Variants in ZNF679 observed in about 807,000 individuals in gnomAD.
ZNF679 encodes zinc finger protein 679.
In ZNF679, 10 loss-of-function variants were observed where a neutral mutation model predicts 13.4. The ratio of observed to expected loss-of-function variants is 0.75; its 90% CI spans 0.46 to 1.27. The LOEUF is 1.27. Among genes scored for constraint, ZNF679 ranks in the 50% most tolerant of loss-of-function variants. The pLI, the probability that ZNF679 is intolerant of heterozygous loss-of-function variation, is 0.00. For missense variants in ZNF679, 525 were observed against 477.8 expected (o/e 1.10, Z -0.92); for synonymous variants, 179 against 162.5 (o/e 1.10, Z -0.77).
chr7:64,237,005 GAAAGAAAGAAAGA>G (rs1787736154), intron 1 of ZNF679, among the ~76,000 whole-genome samples: 1 of 111,136 alleles, frequency 9.0e-6, no homozygotes, highest in East Asian at 3.2e-4. Context: ...GAAAGAAAAA[GAAAGAAAGAAAGA>G]AAGAAACCTA....
At chr7:64,250,266 T>G (rs1053982419) in intron 2 of ZNF679, among the ~76,000 whole-genome samples, 1 of 8,214 alleles carries the variant, frequency 1.2e-4, no homozygotes, top group African/African-American at 2.1e-4. Context: ...TTTCCCTTGG[T>G]TTTTTTTTTT....
chr7:64,262,776 T>C (rs1171944931), intron 4 of ZNF679, among the ~76,000 whole-genome samples: 2 of 152,200 alleles, frequency 1.3e-5, no homozygotes, highest in African/African-American at 4.8e-5. Flanking sequence ...TGTGTTTCTC[T>C]AGATATAGTT....
In ZNF679 at chr7:64,255,113, T is replaced by A. The variant is rs140378928; in HGVS notation, c.40-5108T>A. Among the ~76,000 whole-genome samples the A allele has an allele frequency of 1.7e-4, 26 of 152,146 alleles. No individual in the cohort carries two copies. The East Asian group carries it at 4.3e-3, about 25-fold the overall frequency. ...GGCCTGGAGGGGGACTCTGGGTGTC[T>A]GGTAAGGTGAGGCTCTGTTCTCCTG... On this transcript the variant is annotated intron_variant, in intron 2 of 4. Transcript: ENST00000421025.
At chr7:64,239,827 G>C (rs1046828080) in intron 1 of ZNF679, among the ~76,000 whole-genome samples, 2 of 152,082 alleles carry the variant, frequency 1.3e-5, no homozygotes, top group Non-Finnish European at 2.9e-5. Flanking sequence ...AATATTTCTT[G>C]GCTTGTCAAC....
intron 1 of ZNF679, among the ~76,000 whole-genome samples, chr7:64,238,869 T>G (rs901061092): frequency 6.6e-6 from 1 of 152,144 alleles, no homozygotes; most frequent in Non-Finnish European, 1.5e-5. Context: ...TGGTGACATA[T>G]ACTTTGACCC....
At chr7:64,252,204 T>G (rs1248872787) in intron 2 of ZNF679, among the ~76,000 whole-genome samples, 1 of 152,176 alleles carries the variant, frequency 6.6e-6, no homozygotes, top group Non-Finnish European at 1.5e-5. Flanking sequence ...AATGATTAGA[T>G]AGTTTGACTT....
intron 4 of ZNF679, among the ~76,000 whole-genome samples, chr7:64,261,338 T>C (rs915946881): frequency 1.3e-5 from 2 of 152,144 alleles, no homozygotes; most frequent in Non-Finnish European, 2.9e-5. Flanking sequence ...TGGTTGTCCG[T>C]TTTTCTGCAC....
intron 1 of ZNF679, among the ~76,000 whole-genome samples, chr7:64,237,990 G>C: frequency 6.6e-6 from 1 of 152,128 alleles, no homozygotes; most frequent in Non-Finnish European, 1.5e-5. Flanking sequence ...TTTGTGTTCT[G>C]TAAGAACAAC....
At chr7:64,262,943 T>C (rs1051377316) in intron 4 of ZNF679, among the ~76,000 whole-genome samples, 8 of 152,236 alleles carry the variant, frequency 5.3e-5, no homozygotes, top group Non-Finnish European at 1.2e-4. Flanking sequence ...TGAGCAAAAA[T>C]ATTAAATTAA....
intron 2 of ZNF679, among the ~76,000 whole-genome samples, chr7:64,254,303 G>T (rs775124877): frequency 5.3e-5 from 8 of 151,772 alleles, no homozygotes; most frequent in Non-Finnish European, 1.2e-4. Flanking sequence ...TTTTAGTAGA[G>T]ATGGGTTTTC....
At chr7:64,255,311 C>A (rs564652037) in intron 2 of ZNF679, among the ~76,000 whole-genome samples, 27 of 152,288 alleles carry the variant, frequency 1.8e-4, no homozygotes, top group Non-Finnish European at 3.5e-4. Context: ...TGCGTCCACA[C>A]CCCTCCCAGG....
intron 2 of ZNF679, among the ~76,000 whole-genome samples, chr7:64,253,309 C>T (rs1159345738): frequency 2.0e-5 from 3 of 152,064 alleles, no homozygotes; most frequent in African/African-American, 7.2e-5. Flanking sequence ...AAATTAAAGC[C>T]TGAGCCCTGT....
chr7:64,247,342 T>C (rs1313840330), intron 1 of ZNF679, among the ~76,000 whole-genome samples: 1 of 152,218 alleles, frequency 6.6e-6, no homozygotes, highest in East Asian at 1.9e-4. Flanking sequence ...GCAGTTGCTC[T>C]GGTTCAAACG....
At chr7:64,250,949 C>A (rs1787937216) in intron 2 of ZNF679, among the ~76,000 whole-genome samples, 1 of 152,166 alleles carries the variant, frequency 6.6e-6, no homozygotes, top group African/African-American at 2.4e-5. Flanking sequence ...AACTGCCTTG[C>A]AGTAAAATAT....
intron 1 of ZNF679, among the ~76,000 whole-genome samples, chr7:64,235,464 G>A (rs2116509285): frequency 6.6e-6 from 1 of 151,770 alleles, no homozygotes; most frequent in South Asian, 2.1e-4. Flanking sequence ...ACTTGAAAAA[G>A]AACAACTAAA....
intron 1 of ZNF679, among the ~76,000 whole-genome samples, chr7:64,245,446 A>G (rs1254391574): frequency 2.0e-5 from 3 of 149,858 alleles, no homozygotes; most frequent in African/African-American, 7.3e-5. Context: ...AGAGAGAGGG[A>G]GAGAGAGAGA....
intron 1 of ZNF679, among the ~76,000 whole-genome samples, chr7:64,240,776 C>A (rs1184825753): frequency 6.6e-6 from 1 of 152,114 alleles, no homozygotes; most frequent in Admixed American, 6.6e-5. Flanking sequence ...ATTCACAATC[C>A]GGGACATTTT....
At position 64,266,503 on chromosome 7, in the gene ZNF679, T is replaced by G. The variant is rs1382327109; in HGVS notation, c.870T>G (p.His290Gln). 1.9e-6 allele frequency: 3 copies of G among 1,613,464 alleles called. No individual in the cohort carries two copies. In the African/African-American group the frequency reaches 4.0e-5, roughly 22 times the overall value. The change falls in exon 5 of 5, where the codon CAT (histidine) becomes CAG (glutamine). Residue 290 changes from histidine (H) to glutamine (Q), a missense_variant. By Grantham distance (24) the His-to-Gln change is conservative. Transcript: ENST00000421025. ...CACTTGCTAACCACAAGAGAATTCATACTGGAGAGAAACCATACACATGTG... is the reference window on the plus strand; with the variant it reads ...CACTTGCTAACCACAAGAGAATTCAGACTGGAGAGAAACCATACACATGTG... ...SSTLANHKRI[H>Q]TGEKPYTCEE...
chr7:64,236,777 G>A (rs1383783558), intron 1 of ZNF679, among the ~76,000 whole-genome samples: 6 of 143,224 alleles, frequency 4.2e-5, no homozygotes, highest in East Asian at 2.0e-4. Context: ...AGTGAAACTC[G>A]AAAGGAAAGG....
Sources: allele counts gnomAD v4.1 joint callset (sites outside exome capture counted in the v4.1 genomes callset), GRCh38; gene constraint gnomAD v4.1.1; transcripts MANE v1.5; gene names NCBI Gene and HGNC (gene_info 2026-07-23, HGNC 2026-07-21).